BPNT2: variants seen among roughly 807,000 people sequenced by gnomAD.
The protein encoded by BPNT2 is Golgi-resident adenosine 3',5'-bisphosphate 3'-phosphatase.
BPNT2 carries 11 observed loss-of-function variants against 29.3 expected under a neutral mutation model. The ratio of observed to expected loss-of-function variants is 0.38; its 90% CI spans 0.24 to 0.62. The LOEUF (loss-of-function observed/expected upper bound fraction) is 0.62. BPNT2 is among the 20% of genes least tolerant of loss of function. BPNT2 has a pLI of 0.62. For synonymous variants in BPNT2, 195 were observed against 187.7 expected (o/e 1.04, Z -0.32); for missense variants, 459 against 473.4 (o/e 0.97, Z 0.28).
intron 1 of BPNT2, among the ~76,000 whole-genome samples, chr8:56,981,942 T>C (rs1025416663): frequency 3.3e-5 from 5 of 151,978 alleles, no homozygotes; most frequent in Admixed American, 6.5e-5. Context: ...AATACATGAG[T>C]ATTGTCAATA....
chr8:56,984,647 T>A (rs906764239), intron 1 of BPNT2, among the ~76,000 whole-genome samples: 1 of 152,204 alleles, frequency 6.6e-6, no homozygotes, highest in African/African-American at 2.4e-5. Flanking sequence ...GCTTTGGACA[T>A]TGGGATACAG....
intron 1 of BPNT2, among the ~76,000 whole-genome samples, chr8:56,980,819 TACACACACACACACACAC>T (rs71258552): frequency 1.4e-5 from 2 of 141,510 alleles, no homozygotes; most frequent in African/African-American, 2.6e-5. Context: ...TACATACATA[TACACACACACACACACAC>T]ACACACACAC....
chr8:56,992,643 G>C (rs1232725573), intron 1 of BPNT2, among the ~76,000 whole-genome samples: 1 of 151,930 alleles, frequency 6.6e-6, no homozygotes, highest in Non-Finnish European at 1.5e-5. Flanking sequence ...ATAAACTTTA[G>C]AGCGTCCTGA....
chr8:56,968,315 CA>C (rs1216581742), intron 3 of BPNT2, among the ~76,000 whole-genome samples: 1 of 146,026 alleles, frequency 6.8e-6, no homozygotes, highest in Non-Finnish European at 1.5e-5. Context: ...AAAAGTATAG[CA>C]AGCAATGAGA....
chr8:56,978,624 A>G (rs1806185457), intron 2 of BPNT2, among the ~76,000 whole-genome samples: 1 of 152,138 alleles, frequency 6.6e-6, no homozygotes, highest in Non-Finnish European at 1.5e-5. Context: ...AATAGCAAAG[A>G]CATGGAATCA....
chr8:56,970,067 C>G (rs1344477108), intron 3 of BPNT2, among the ~76,000 whole-genome samples: 1 of 152,126 alleles, frequency 6.6e-6, no homozygotes, highest in East Asian at 1.9e-4. Flanking sequence ...CAGAAAATCT[C>G]ATTTTATAAC....
chr8:56,985,383 C>T (rs905657148), intron 1 of BPNT2, among the ~76,000 whole-genome samples: 4 of 152,072 alleles, frequency 2.6e-5, no homozygotes, highest in Non-Finnish European at 5.9e-5. Flanking sequence ...CTGTCAAAGA[C>T]CTCAACAGGG....
Position 56,993,742 on chromosome 8 carries a change from A to G in BPNT2, c.-157T>C, listed in dbSNP as rs1806461082. The G allele has an allele frequency of 2.1e-6, 2 of 943,996 alleles. No homozygotes were observed. Among genetic ancestry groups the G allele is most frequent in the South Asian group, 9.4e-5 (2 of 21,196 alleles). The allele number at this position is 943,996 out of a possible 1,614,324, so 58.5% of individuals were successfully genotyped here. ...GTGCGCCCCATCACTCCCTCCCAGG[A>G]AAGGCCGAGTTGCGCCGCGAAGACC... On this transcript the variant is annotated 5_prime_UTR_variant, in exon 1 of 5. Transcript: ENST00000262644.
chr8:56,991,708 T>C (rs919009712), intron 1 of BPNT2, among the ~76,000 whole-genome samples: 2 of 152,172 alleles, frequency 1.3e-5, no homozygotes, highest in African/African-American at 2.4e-5. Flanking sequence ...GTAGCCAGTA[T>C]TTGGGCATGT....
chr8:56,989,306 A>T (rs1423127974), intron 1 of BPNT2, among the ~76,000 whole-genome samples: 2 of 151,108 alleles, frequency 1.3e-5, no homozygotes, highest in Non-Finnish European at 2.9e-5. Flanking sequence ...TGGGAGGCAG[A>T]GCTTGCAGTG....
Position 56,993,515 on chromosome 8 carries a change from A to G in BPNT2, c.71T>C (p.Leu24Pro), listed in dbSNP as rs1377035259. 1 of 1,498,738 alleles carries G rather than the reference A, an allele frequency of 6.7e-7. No homozygotes were observed. Among genetic ancestry groups the G allele is most frequent in the Non-Finnish European group, 8.9e-7 (1 of 1,124,292 alleles). The allele number at this position is 1,498,738 out of a possible 1,614,324, so 92.8% of individuals were successfully genotyped here. ...AVFCLLGLGV[L>P]YHLYSGFLAG... ...CAAGAAGCCCGAGTAGAGGTGGTAGAGCACGCCGAGCCCCAGCAGGCAAAA... is the reference window on the plus strand; with the variant it reads ...CAAGAAGCCCGAGTAGAGGTGGTAGGGCACGCCGAGCCCCAGCAGGCAAAA... The change falls in exon 1 of 5, where the codon CTC becomes CCC. Residue 24 changes from leucine to proline, a missense_variant. Physicochemically the swap from Leu to Pro is moderately conservative, Grantham distance 98. Coordinates refer to ENST00000262644, the MANE Select transcript of BPNT2 (RefSeq NM_017813.5).
intron 1 of BPNT2, among the ~76,000 whole-genome samples, chr8:56,981,296 G>A (rs1281470670): frequency 6.6e-6 from 1 of 152,222 alleles, no homozygotes; most frequent in Non-Finnish European, 1.5e-5. Context: ...GCCAAGTGTG[G>A]TGGCTCACGC....
rs888101263 is a variant in BPNT2 at position 56,964,220 on chromosome 8, A to T, written c.809-156T>A. 6.9e-6 allele frequency: 4 copies of T among 580,872 alleles called. No homozygotes were observed. In the Admixed American group the frequency reaches 9.6e-5, roughly 14 times the overall value. The allele number at this position is 580,872 out of a possible 1,614,324, so 36.0% of individuals were successfully genotyped here. A position where few individuals can be genotyped will look rare whatever the true frequency, so the allele number is the denominator to read the frequency against. On this transcript the variant is annotated intron_variant, in intron 4 of 4. Transcript: ENST00000262644. ...CTTAAGTTTAAAATTATTTCAAATT[A>T]AAAAAATTTTAAAGTAACTGTATAA...
At position 56,963,300 on chromosome 8, in the gene BPNT2, C is replaced by T. The variant is rs1805873516; in HGVS notation, c.*493G>A. On this transcript the variant is annotated 3_prime_UTR_variant, in exon 5 of 5. Transcript: ENST00000262644. Reference sequence around the variant, plus strand: ...AGTAACATAAATACAACATTTGTTGCATATTAATGAATGTGTGGCTTCTTG... The same window carrying T: ...AGTAACATAAATACAACATTTGTTGTATATTAATGAATGTGTGGCTTCTTG... 6.5e-6 allele frequency: 1 copy of T among 153,208 alleles called. No homozygotes were observed. The highest frequency in any genetic ancestry group is 2.4e-5 in the African/African-American group (1 of 41,430). 9.5% of individuals were successfully genotyped at this position (153,208 alleles called of 1,614,324 possible). A position where few individuals can be genotyped will look rare whatever the true frequency, so the allele number is the denominator to read the frequency against.
At chr8:56,979,709 G>A (rs1806208237) in intron 2 of BPNT2, among the ~76,000 whole-genome samples, 1 of 152,122 alleles carries the variant, frequency 6.6e-6, no homozygotes, top group Admixed American at 6.6e-5. Flanking sequence ...CTAGGACTAG[G>A]TAAAAAAGGG....
At chr8:56,984,619 G>A (rs1806299110) in intron 1 of BPNT2, among the ~76,000 whole-genome samples, 2 of 152,074 alleles carry the variant, frequency 1.3e-5, no homozygotes, top group Non-Finnish European at 2.9e-5. Context: ...AACATCTAAT[G>A]GCTATATACG....
At position 56,993,670 on chromosome 8, in the gene BPNT2, G is replaced by C. The variant is rs1308743117; in HGVS notation, c.-85C>G. Reference sequence around the variant, plus strand: ...GCCGCCGCCGCAGCCGCCGCGCTCCGGGCCAGGCGCCGCGCGGGCTACACT... The same window carrying C: ...GCCGCCGCCGCAGCCGCCGCGCTCCCGGCCAGGCGCCGCGCGGGCTACACT... On this transcript the variant is annotated 5_prime_UTR_variant, in exon 1 of 5. Transcript: ENST00000262644. The C allele has an allele frequency of 8.9e-7, 1 of 1,120,102 alleles. No homozygotes were observed. Among genetic ancestry groups the C allele is most frequent in the Non-Finnish European group, 1.1e-6 (1 of 920,500 alleles). The allele number at this position is 1,120,102 out of a possible 1,614,324, so 69.4% of individuals were successfully genotyped here.
chr8:56,989,241 C>T (rs907083469), intron 1 of BPNT2, among the ~76,000 whole-genome samples: 4 of 151,840 alleles, frequency 2.6e-5, no homozygotes, highest in East Asian at 1.9e-4. Context: ...GGCGTGGTGG[C>T]GGCACCTGTA....
chr8:56,982,740 T>C (rs1246110406), intron 1 of BPNT2, among the ~76,000 whole-genome samples: 1 of 152,194 alleles, frequency 6.6e-6, no homozygotes, highest in Non-Finnish European at 1.5e-5. Flanking sequence ...GTGGAAGGGT[T>C]ATTCTTTAAG....
Sources: gnomAD v4.1 joint callset for allele counts (sites outside exome capture counted in the v4.1 genomes callset) on GRCh38, gnomAD v4.1.1 for gene constraint, MANE v1.5 for transcripts, NCBI Gene and HGNC (gene_info 2026-07-23, HGNC 2026-07-21) for gene names.